CYRIA: variants seen among roughly 807,000 people sequenced by gnomAD.
The protein encoded by CYRIA is CYFIP related Rac1 interactor A, also known as CYFIP-related Rac1 interactor A.
In CYRIA, 15 loss-of-function variants were observed where a neutral mutation model predicts 43.9. The ratio of observed to expected loss-of-function variants is 0.34; its 90% CI spans 0.23 to 0.53. The LOEUF is 0.53. CYRIA is among the 20% of genes least tolerant of loss of function. The probability of loss-of-function intolerance (pLI) is 0.94; values close to 1 mark genes in which losing one functional copy is unlikely to be tolerated. For synonymous variants in CYRIA, 117 were observed against 136.0 expected (o/e 0.86, Z 0.97); for missense variants, 236 against 394.2 (o/e 0.60, Z 3.40).
In CYRIA at chr2:16,642,991, GTTA is replaced by G. The variant is rs772612932; in HGVS notation, c.-166-18975_-166-18973del. On this transcript the variant is annotated intron_variant, in intron 1 of 11. Coordinates refer to ENST00000381323, the MANE Select transcript of CYRIA (RefSeq NM_030797.4). ...TATTCCTTTATTACCTTACCTTAAAGTTATTATTATTATTTATAATAGTATACT... is the reference window on the plus strand; with the variant it reads ...TATTCCTTTATTACCTTACCTTAAAGTTATTATTATTTATAATAGTATACT... Among the ~76,000 whole-genome samples the G allele has an allele frequency of 3.4e-5, 5 of 148,994 alleles. No homozygotes were observed. The South Asian group carries it at 1.0e-3, about 31-fold the overall frequency.
chr2:16,636,411 A>G (rs1669499452), intron 1 of CYRIA, among the ~76,000 whole-genome samples: 1 of 152,162 alleles, frequency 6.6e-6, no homozygotes, highest in African/African-American at 2.4e-5. Flanking sequence ...TGGTCTATAA[A>G]TGACAACTCA....
intron 1 of CYRIA, among the ~76,000 whole-genome samples, chr2:16,661,229 G>A (rs903965021): frequency 1.3e-5 from 2 of 152,016 alleles, no homozygotes; most frequent in African/African-American, 4.8e-5. Flanking sequence ...GAGCCATGAT[G>A]GCACCCCTGC....
chr2:16,604,815 A>G (rs1170661396), intron 2 of CYRIA, among the ~76,000 whole-genome samples: 2 of 152,220 alleles, frequency 1.3e-5, no homozygotes, highest in African/African-American at 4.8e-5. Context: ...TTTGCAATGA[A>G]GTCATGAGGT....
At position 16,554,528 on chromosome 2, in the gene CYRIA, A is replaced by G. The variant is rs11897040; in HGVS notation, c.908+541T>C. Among the ~76,000 whole-genome samples, 1,065 of 152,306 alleles carry G rather than the reference A, an allele frequency of 7.0e-3. 9 individuals are homozygous for G. Among genetic ancestry groups the G allele is most frequent in the African/African-American group, 0.024 (1,004 of 41,586 alleles). ...GGGTTCTCAATTCTGGTAGCTGCAC[A>G]TGTGAACCACCTGGGGAGCTTTAGA... On this transcript the variant is annotated intron_variant, in intron 11 of 11. Transcript: ENST00000381323.
At position 16,551,590 on chromosome 2, in the gene CYRIA, G is replaced by C. The variant is rs527315964; in HGVS notation, c.*1346C>G. ...GGAGGTCAGAATCAGAGATTTTCATGATTCCATTCGAACTAAGCTCTGATG... is the reference window on the plus strand; with the variant it reads ...GGAGGTCAGAATCAGAGATTTTCATCATTCCATTCGAACTAAGCTCTGATG... On this transcript the variant is annotated 3_prime_UTR_variant, in exon 12 of 12. Coordinates refer to ENST00000381323, the MANE Select transcript of CYRIA (RefSeq NM_030797.4). 1 of 152,246 alleles carries C rather than the reference G, an allele frequency of 6.6e-6. No individual in the cohort carries two copies. Among genetic ancestry groups the C allele is most frequent in the South Asian group, 2.1e-4 (1 of 4,824 alleles). The allele number at this position is 152,246 out of a possible 1,614,324, so 9.4% of individuals were successfully genotyped here.
Position 16,564,111 on chromosome 2 carries a change from G to A in CYRIA, c.193-17C>T. The A allele has an allele frequency of 1.3e-6, 2 of 1,590,688 alleles. No individual in the cohort carries two copies. The highest frequency in any genetic ancestry group is 1.7e-6 in the Non-Finnish European group (2 of 1,161,682). Reference sequence around the variant, plus strand: ...TTGAATTGCCTGCAAAAACACAGTAGAGCTGACTGTTTAAAAAGAAGTGGT... The same window carrying A: ...TTGAATTGCCTGCAAAAACACAGTAAAGCTGACTGTTTAAAAAGAAGTGGT... On this transcript the variant is annotated splice_polypyrimidine_tract_variant and intron_variant, in intron 4 of 11. Transcript: ENST00000381323.
intron 1 of CYRIA, among the ~76,000 whole-genome samples, chr2:16,662,661 A>G (rs1225996863): frequency 1.3e-5 from 2 of 152,236 alleles, no homozygotes. Flanking sequence ...GCTCCCTGCC[A>G]TGCTTCTCTC....
At chr2:16,605,300 A>T (rs146257905) in intron 2 of CYRIA, among the ~76,000 whole-genome samples, 2 of 152,356 alleles carry the variant, frequency 1.3e-5, no homozygotes, top group Non-Finnish European at 2.9e-5. Flanking sequence ...ATGAGGGCAA[A>T]ATTAGATTCT....
intron 2 of CYRIA, among the ~76,000 whole-genome samples, chr2:16,612,563 A>G (rs145081276): frequency 3.4e-4 from 52 of 152,322 alleles, no homozygotes; most frequent in Middle Eastern, 6.8e-3. Flanking sequence ...TCTAAAAAAG[A>G]CAGCAGGATT....
chr2:16,618,802 T>C (rs1376147809), intron 2 of CYRIA, among the ~76,000 whole-genome samples: 1 of 152,302 alleles, frequency 6.6e-6, no homozygotes, highest in South Asian at 2.1e-4. Flanking sequence ...GGGAAAGATG[T>C]AGCTTTCCGA....
At chr2:16,605,724 A>T (rs1199204550) in intron 2 of CYRIA, among the ~76,000 whole-genome samples, 3 of 152,236 alleles carry the variant, frequency 2.0e-5, no homozygotes, top group African/African-American at 7.2e-5. Flanking sequence ...CTGTTCTGAT[A>T]GTGAATTCGC....
At chr2:16,561,943 A>G in intron 6 of CYRIA, 62 bp downstream of exon 6, 1 of 1,499,964 alleles carries the variant, frequency 6.7e-7, no homozygotes. Context: ...CTAACAGAAC[A>G]GCTGTAAACA....
intron 2 of CYRIA, among the ~76,000 whole-genome samples, chr2:16,615,424 A>G (rs1374620612): frequency 3.3e-5 from 5 of 152,212 alleles, no homozygotes; most frequent in African/African-American, 9.7e-5. Flanking sequence ...CCACTTGCAC[A>G]AATGAAAGTT....
At chr2:16,553,120 A>T in intron 11 of CYRIA, 121 bp from the exon 12 acceptor site, 1 of 704,528 alleles carries the variant, frequency 1.4e-6, no homozygotes, top group South Asian at 1.6e-5. Flanking sequence ...AAAAATCCAC[A>T]CTTCAATGCT....
At chr2:16,641,311 C>T (rs2103535204) in intron 1 of CYRIA, among the ~76,000 whole-genome samples, 1 of 152,342 alleles carries the variant, frequency 6.6e-6, no homozygotes, top group African/African-American at 2.4e-5. Flanking sequence ...GCTCTTCCTT[C>T]TCCTCCGTAT....
At chr2:16,664,884 G>T (rs1670348708) in intron 1 of CYRIA, among the ~76,000 whole-genome samples, 1 of 152,176 alleles carries the variant, frequency 6.6e-6, no homozygotes, top group African/African-American at 2.4e-5. Flanking sequence ...GAGGACATCA[G>T]GCCCTGGACA....
At chr2:16,625,858 C>T (rs1454205253) in intron 1 of CYRIA, 6 of 151,512 alleles carry the variant, frequency 4.0e-5, no homozygotes, top group Middle Eastern at 3.4e-3. Flanking sequence ...CTCAAATGTC[C>T]TCAGAATTGA....
intron 1 of CYRIA, among the ~76,000 whole-genome samples, chr2:16,659,244 G>C (rs1422773144): frequency 6.6e-6 from 1 of 152,212 alleles, no homozygotes; most frequent in Admixed American, 6.5e-5. Flanking sequence ...CACAGCTCTT[G>C]TTTATAGTGT....
intron 2 of CYRIA, among the ~76,000 whole-genome samples, chr2:16,601,456 A>T (rs949238596): frequency 6.6e-6 from 1 of 152,176 alleles, no homozygotes; most frequent in African/African-American, 2.4e-5. Context: ...TTTCCCCCAA[A>T]TAGTCTAGAA....
Sources: allele counts gnomAD v4.1 joint callset (sites outside exome capture counted in the v4.1 genomes callset), GRCh38; gene constraint gnomAD v4.1.1; transcripts MANE v1.5; gene names NCBI Gene and HGNC (gene_info 2026-07-23, HGNC 2026-07-21).